The following TADA2A variants were observed in gnomAD, a reference collection of about 807,000 sequenced individuals.
TADA2A encodes transcriptional adaptor 2A.
Under a neutral mutation model 67.4 loss-of-function variants are expected in TADA2A, and 38 were observed. The ratio of observed to expected loss-of-function variants is 0.56; its 90% confidence interval spans 0.44 to 0.74. The LOEUF (loss-of-function observed/expected upper bound fraction) is 0.74, where lower values mean the gene tolerates loss of function less well. Ranked by LOEUF, TADA2A falls within the 30% of genes least tolerant of loss-of-function variation. The pLI is 0.00. For missense variants in TADA2A, 454 were observed against 547.0 expected (o/e 0.83, Z 1.70); for synonymous variants, 192 against 181.6 (o/e 1.06, Z -0.46).
chr17:37,410,971 T>C (rs1334367495), intron 1 of TADA2A, among the ~76,000 whole-genome samples: 1 of 152,178 alleles, frequency 6.6e-6, no homozygotes, highest in Non-Finnish European at 1.5e-5. Context: ...CAGTGCCCCA[T>C]AGACCCAGAT....
intron 2 of TADA2A, among the ~76,000 whole-genome samples, chr17:37,415,363 C>A (rs1183416985): frequency 1.3e-5 from 2 of 152,060 alleles, no homozygotes; most frequent in Admixed American, 1.3e-4. Flanking sequence ...CATAATACTT[C>A]ATTGTGTGGA....
chr17:37,411,439 T>C (rs2051865388), intron 2 of TADA2A, 49 bp downstream of exon 2: 1 of 1,553,850 alleles, frequency 6.4e-7, no homozygotes. Context: ...TATTTTTTTT[T>C]TGAGATGGAC....
At chr17:37,475,487 T>C (rs1384792132) in intron 15 of TADA2A, among the ~76,000 whole-genome samples, 1 of 151,976 alleles carries the variant, frequency 6.6e-6, no homozygotes, top group Non-Finnish European at 1.5e-5. Flanking sequence ...ATTTTTTATT[T>C]TTTATTTGAA....
rs148703392 is a variant in TADA2A, at chr17:37,440,519, A to G, written c.299A>G (p.Asn100Ser). Reference protein sequence around the residue: ...CGFGNWQDVANQMCTKTKEEC... With the variant: ...CGFGNWQDVASQMCTKTKEEC... ...CAATCCTCTAGGCAGGATGTAGCCA[A>G]TCAAATGTGCACCAAGACCAAGGAG... Residue 100 changes from asparagine (N) to serine (S), a missense_variant, in exon 6 of 16, where the codon AAT becomes AGT. This residue lies in a region of TADA2A where 403 missense variants were observed against 455.5 expected (regional missense o/e 0.88). Transcript: ENST00000615182. The G allele has an allele frequency of 1.9e-6, 3 of 1,614,144 alleles. No homozygotes were observed. The highest frequency in any genetic ancestry group is 2.5e-6 in the Non-Finnish European group (3 of 1,180,006).
chr17:37,414,398 A>G (rs2051976888), intron 2 of TADA2A, among the ~76,000 whole-genome samples: 1 of 151,906 alleles, frequency 6.6e-6, no homozygotes, highest in Non-Finnish European at 1.5e-5. Flanking sequence ...TTTTGGCATA[A>G]CTAAATACTC....
intron 4 of TADA2A, among the ~76,000 whole-genome samples, chr17:37,435,350 G>A (rs1192822883): frequency 1.3e-5 from 2 of 152,104 alleles, no homozygotes; most frequent in Non-Finnish European, 2.9e-5. Flanking sequence ...GTGCAGTGGC[G>A]CCATCTCGGC....
At chr17:37,451,348 G>A (rs1047465013) in intron 8 of TADA2A, among the ~76,000 whole-genome samples, 2 of 130,984 alleles carry the variant, frequency 1.5e-5, no homozygotes, top group South Asian at 4.7e-4. Context: ...TTTTTGAGAC[G>A]CCCTCTGTAG....
At chr17:37,467,106 C>T (rs993345027) in intron 11 of TADA2A, among the ~76,000 whole-genome samples, 3 of 151,982 alleles carry the variant, frequency 2.0e-5, no homozygotes, top group East Asian at 3.9e-4. Flanking sequence ...TGCAGTGAGC[C>T]GAGATCATGC....
intron 2 of TADA2A, among the ~76,000 whole-genome samples, chr17:37,412,390 C>G (rs937215280): frequency 7.2e-5 from 11 of 151,992 alleles, no homozygotes; most frequent in African/African-American, 2.7e-4. Flanking sequence ...CCCACCTCCC[C>G]CTTGATGTGG....
chr17:37,455,800 T>C (rs2053375668), intron 8 of TADA2A, among the ~76,000 whole-genome samples: 1 of 152,244 alleles, frequency 6.6e-6, no homozygotes, highest in African/African-American at 2.4e-5. Context: ...CTTAATACTC[T>C]GGAACCAGAC....
intron 14 of TADA2A, among the ~76,000 whole-genome samples, chr17:37,472,468 G>A (rs1387801166): frequency 6.6e-6 from 1 of 152,082 alleles, no homozygotes; most frequent in African/African-American, 2.4e-5. Context: ...GAGTGGCTAA[G>A]ACAGTGAAAT....
rs999774268 is a variant in TADA2A at position 37,478,813 on chromosome 17, A to G, written c.*1831A>G. Reference sequence around the variant, plus strand: ...TGTTGTAAATATGCATGCAGCTGGGAAGGGATTCATCTAAGGGATAAGAAA... The same window carrying G: ...TGTTGTAAATATGCATGCAGCTGGGGAGGGATTCATCTAAGGGATAAGAAA... On this transcript the variant is annotated 3_prime_UTR_variant, in exon 16 of 16. Coordinates refer to ENST00000615182, the MANE Select transcript of TADA2A (RefSeq NM_001166105.3). 1 of 152,196 alleles carries G rather than the reference A, an allele frequency of 6.6e-6. No homozygotes were observed. The highest frequency in any genetic ancestry group is 1.5e-5 in the Non-Finnish European group (1 of 68,040). The allele number at this position is 152,196 out of a possible 1,614,324, so 9.4% of individuals were successfully genotyped here. A position where few individuals can be genotyped will look rare whatever the true frequency, so the allele number is the denominator to read the frequency against.
chr17:37,457,253 T>A (rs893824684), intron 8 of TADA2A, among the ~76,000 whole-genome samples: 2 of 147,184 alleles, frequency 1.4e-5, no homozygotes, highest in African/African-American at 5.0e-5. Flanking sequence ...CCATCTCGGC[T>A]CACTGCAACC....
chr17:37,474,256 A>T (rs1427429107), intron 14 of TADA2A, among the ~76,000 whole-genome samples: 1 of 152,184 alleles, frequency 6.6e-6, no homozygotes, highest in Non-Finnish European at 1.5e-5. Flanking sequence ...ATAATAATAA[A>T]TAAGAGATAA....
chr17:37,458,667 GTGTGTGTC>G lies in TADA2A; in HGVS notation c.668+86_668+93del, dbSNP rs1318286316. The G allele has an allele frequency of 6.9e-5, 80 of 1,158,260 alleles. No homozygotes were observed. The East Asian group carries it at 1.2e-3, about 18-fold the overall frequency. The allele number at this position is 1,158,260 out of a possible 1,614,324, so 71.7% of individuals were successfully genotyped here. Reference sequence around the variant, plus strand: ...TGTGTGTGTGTGTGTGTGTGTGTGTGTGTGTGTCTGTGTCTGTGTCTGTGAGAGAGGCA... The same window carrying G: ...TGTGTGTGTGTGTGTGTGTGTGTGTGTGTGTCTGTGTCTGTGAGAGAGGCA... On this transcript the variant is annotated intron_variant, in intron 9 of 15. Transcript: ENST00000615182.
At chr17:37,442,385 A>T (rs1484890434) in intron 6 of TADA2A, among the ~76,000 whole-genome samples, 179 bp from the exon 7 acceptor site, 17 of 152,098 alleles carry the variant, frequency 1.1e-4, no homozygotes, top group Admixed American at 1.0e-3. Context: ...ATATTTACTT[A>T]AAGGATTGCC....
rs528209432 is a variant in TADA2A at position 37,435,283 on chromosome 17, CTGTT to C, written c.193-2437_193-2434del. Among the ~76,000 whole-genome samples, 642 of 152,122 alleles carry C rather than the reference CTGTT, an allele frequency of 4.2e-3. 2 individuals are homozygous for C. Among genetic ancestry groups the C allele is most frequent in the African/African-American group, 0.01 (434 of 41,530 alleles). On this transcript the variant is annotated intron_variant, in intron 4 of 15. Transcript: ENST00000615182. The stretch of plus-strand genomic sequence containing the variant: ...TACAAGAGTTTTGTTTGTTTGTTTT[CTGTT>C]TGTTTGTTTGTTTGTTTTTGAAACG...
chr17:37,413,675 G>T (rs2051949143), intron 2 of TADA2A, among the ~76,000 whole-genome samples: 1 of 151,960 alleles, frequency 6.6e-6, no homozygotes, highest in African/African-American at 2.4e-5. Context: ...GCCTCCCAGT[G>T]TGTTGGTATT....
In TADA2A at chr17:37,419,876, G is replaced by A. The variant is rs570867267; in HGVS notation, c.26-3633G>A. ...TAAAAATATAAAAAATTAGCCAGTC[G>A]TGGTGGTGTGCACTTGTAGTCCCAG... On this transcript the variant is annotated intron_variant, in intron 2 of 15. Transcript: ENST00000615182. Among the ~76,000 whole-genome samples the A allele has an allele frequency of 5.1e-4, 74 of 145,028 alleles. 5 individuals are homozygous for A. In the Middle Eastern group the frequency reaches 0.011, roughly 21 times the overall value.
Sources: allele counts gnomAD v4.1 joint callset (sites outside exome capture counted in the v4.1 genomes callset), GRCh38; gene constraint gnomAD v4.1.1; regional missense constraint gnomAD v4.1.1; transcripts MANE v1.5; gene names NCBI Gene and HGNC (gene_info 2026-07-23, HGNC 2026-07-21).